SLCO2A1: variants seen among roughly 807,000 people sequenced by gnomAD.
The protein encoded by SLCO2A1 is solute carrier organic anion transporter family member 2A1, also known as matrin F/G 1.
A neutral mutation model predicts 71.7 loss-of-function variants in SLCO2A1; 60 were observed. The ratio of observed to expected loss-of-function variants is 0.84; its 90% confidence interval spans 0.68 to 1.04. The LOEUF is 1.04. Among genes scored for constraint, SLCO2A1 ranks in the 50% least tolerant of loss-of-function variants. SLCO2A1 has a pLI of 0.00. For missense variants in SLCO2A1, 745 were observed against 813.4 expected (o/e 0.92, Z 1.02); for synonymous variants, 308 against 326.7 (o/e 0.94, Z 0.62).
chr3:134,008,937 G>A (rs1935277003), intron 1 of SLCO2A1, among the ~76,000 whole-genome samples: 1 of 152,222 alleles, frequency 6.6e-6, no homozygotes, highest in Non-Finnish European at 1.5e-5. Context: ...GAACAGTGAT[G>A]GCACTGCAGG....
intron 3 of SLCO2A1, among the ~76,000 whole-genome samples, chr3:133,966,983 T>C (rs1191240376): frequency 6.6e-6 from 1 of 152,210 alleles, no homozygotes; most frequent in African/African-American, 2.4e-5. Flanking sequence ...GTTCCCAGGA[T>C]GCCCAAAGCC....
rs1933219161 is a variant in SLCO2A1, at chr3:133,934,568, A to T, written c.*145T>A. ...CTGTGGGGAGGACTCTGGGAGGAAG[A>T]GGTAGGGAAGGCAAATGAGGACTGG... is the stretch of plus-strand genomic sequence containing the variant. On this transcript the variant is annotated 3_prime_UTR_variant, in exon 14 of 14. Transcript: ENST00000310926. 1.6e-5 allele frequency: 10 copies of T among 611,030 alleles called. No individual in the cohort carries two copies. The highest frequency in any genetic ancestry group is 2.6e-5 in the Admixed American group (1 of 37,838). 37.9% of individuals were successfully genotyped at this position (611,030 alleles called of 1,614,324 possible). A position where few individuals can be genotyped will look rare whatever the true frequency, so the allele number is the denominator to read the frequency against.
intron 3 of SLCO2A1, among the ~76,000 whole-genome samples, chr3:133,971,331 A>T (rs1429576914): frequency 1.3e-5 from 2 of 152,368 alleles, no homozygotes. Flanking sequence ...AGGGGGAGAA[A>T]GTGTATGGCA....
At chr3:133,957,248 A>G (rs1372923250) in intron 3 of SLCO2A1, among the ~76,000 whole-genome samples, 1 of 152,118 alleles carries the variant, frequency 6.6e-6, no homozygotes, top group African/African-American at 2.4e-5. Context: ...CCTAAGTCCC[A>G]CCAGAGCCCA....
chr3:133,942,882 T>C, intron 10 of SLCO2A1, 114 bp from the exon 11 acceptor site: 1 of 1,135,272 alleles, frequency 8.8e-7, no homozygotes, highest in Non-Finnish European at 1.2e-6. Context: ...CCTTGTGTCC[T>C]CTGGGTCTGG....
At chr3:133,997,256 C>T (rs1367100339) in intron 1 of SLCO2A1, among the ~76,000 whole-genome samples, 1 of 152,172 alleles carries the variant, frequency 6.6e-6, no homozygotes, top group Non-Finnish European at 1.5e-5. Context: ...GCCTCTGCAA[C>T]TCAAAGCAAA....
intron 1 of SLCO2A1, among the ~76,000 whole-genome samples, chr3:134,007,038 T>G (rs776469986): frequency 6.6e-5 from 10 of 152,270 alleles, no homozygotes; most frequent in Non-Finnish European, 1.5e-4. Context: ...GGGTGTGATG[T>G]CACATTGTGG....
intron 2 of SLCO2A1, among the ~76,000 whole-genome samples, chr3:133,974,318 G>A (rs547044021): frequency 6.6e-6 from 1 of 152,304 alleles, no homozygotes; most frequent in African/African-American, 2.4e-5. Context: ...CAAGCAACAT[G>A]CTTATCTCAT....
In SLCO2A1 at chr3:133,951,273, C is replaced by T; in HGVS notation, c.796G>A (p.Ala266Thr). The T allele has an allele frequency of 1.9e-6, 3 of 1,614,122 alleles. No homozygotes were observed. The highest frequency in any genetic ancestry group is 1.7e-5 in the Admixed American group (1 of 60,022). The change falls in exon 6 of 14, where the codon GCT (alanine) becomes ACT (threonine). Residue 266 changes from alanine (A) to threonine (T), a missense_variant. Ala to Thr is a moderately conservative substitution (Grantham distance 58). Coordinates refer to ENST00000310926, the MANE Select transcript of SLCO2A1 (RefSeq NM_005630.3). ...GGGAAAGAGGTGAGAACCAATAAAG[C>T]TGAAGAAATGAGCAGGCCTAGCCAC... is the stretch of plus-strand genomic sequence containing the variant. ...AWWLGLLISS[A>T]LLVLTSFPFF...
intron 1 of SLCO2A1, among the ~76,000 whole-genome samples, chr3:133,986,011 AT>A (rs1559946971): frequency 2.6e-5 from 4 of 152,246 alleles, no homozygotes; most frequent in Non-Finnish European, 5.9e-5. Context: ...ATTTGCAGCC[AT>A]GTATGAAGGG....
intron 1 of SLCO2A1, among the ~76,000 whole-genome samples, chr3:134,009,836 G>A (rs572280388): frequency 6.6e-6 from 1 of 152,362 alleles, no homozygotes; most frequent in African/African-American, 2.4e-5. Context: ...GTGGTTTGTG[G>A]TGAAGTACAT....
rs931171826 is a variant in SLCO2A1 at position 133,947,352 on chromosome 3, A to G, written c.1199T>C (p.Ile400Thr). 2 of 1,614,156 alleles carry G rather than the reference A, an allele frequency of 1.2e-6. No individual in the cohort carries two copies. Among genetic ancestry groups the G allele is most frequent in the African/African-American group, 1.3e-5 (1 of 75,030 alleles). Reference protein sequence around the residue: ...FVFSLQAIPRIATTIITISMI... With the variant: ...FVFSLQAIPRTATTIITISMI... Reference sequence around the variant, plus strand: ...GGAGATGGTGATGATGGTGGTAGCTATGCGGGGAATGGCTTGTAGAGAGAA... The same window carrying G: ...GGAGATGGTGATGATGGTGGTAGCTGTGCGGGGAATGGCTTGTAGAGAGAA... The change falls in exon 9 of 14, where the codon ATA becomes ACA. Residue 400 changes from isoleucine (I) to threonine (T), a missense_variant. Coordinates refer to ENST00000310926, the MANE Select transcript of SLCO2A1 (RefSeq NM_005630.3).
intron 2 of SLCO2A1, among the ~76,000 whole-genome samples, chr3:133,974,482 G>A (rs1934404807): frequency 1.3e-5 from 2 of 152,186 alleles, no homozygotes; most frequent in Admixed American, 6.5e-5. Flanking sequence ...CCACCTCTTG[G>A]AGAAGAGGGT....
intron 11 of SLCO2A1, 59 bp from the exon 12 acceptor site, chr3:133,938,552 G>A: frequency 6.5e-7 from 1 of 1,537,582 alleles, no homozygotes; most frequent in Non-Finnish European, 9.0e-7. Context: ...GATCCCTTGG[G>A]TAAGGGGCAG....
In SLCO2A1 at chr3:133,988,829, G is replaced by A. The variant is rs142382337; in HGVS notation, c.97-9211C>T. Among the ~76,000 whole-genome samples the A allele has an allele frequency of 9.5e-3, 1,440 of 152,328 alleles. 21 individuals are homozygous for A. Among genetic ancestry groups the A allele is most frequent in the African/African-American group, 0.033 (1,381 of 41,570 alleles). ...CTGCATACCAGACAGGTGGGAACAC[G>A]TGAGACAGGAGAACAGAGTCTGGAG... On this transcript the variant is annotated intron_variant, in intron 1 of 13. Coordinates refer to ENST00000310926, the MANE Select transcript of SLCO2A1 (RefSeq NM_005630.3).
At position 133,966,184 on chromosome 3, in the gene SLCO2A1, G is replaced by A. The variant is rs895080371; in HGVS notation, c.397+7479C>T. 1.8e-4 allele frequency among the ~76,000 whole-genome samples: 27 copies of A among 152,150 alleles called. 1 individual carries two copies. The highest frequency in any genetic ancestry group is 3.9e-4 in the Admixed American group (6 of 15,276). On this transcript the variant is annotated intron_variant, in intron 3 of 13. Coordinates refer to ENST00000310926, the MANE Select transcript of SLCO2A1 (RefSeq NM_005630.3). ...ATAAGTTTTATGGGGACACAGCCAC[G>A]CCCACTTGCTTATCTATTGGGAAGG...
At chr3:133,959,859 A>G (rs1032203203) in intron 3 of SLCO2A1, among the ~76,000 whole-genome samples, 7 of 151,934 alleles carry the variant, frequency 4.6e-5, no homozygotes, top group Admixed American at 2.6e-4. Context: ...GGTGGCTCAT[A>G]CCTGTAATCC....
chr3:133,974,581 C>T (rs956273478), intron 2 of SLCO2A1, among the ~76,000 whole-genome samples: 1 of 152,188 alleles, frequency 6.6e-6, no homozygotes, highest in Non-Finnish European at 1.5e-5. Context: ...AGAACTAGAG[C>T]ACCCCTAAAA....
chr3:133,981,383 C>A (rs1934584471), intron 1 of SLCO2A1, among the ~76,000 whole-genome samples: 1 of 152,154 alleles, frequency 6.6e-6, no homozygotes, highest in Non-Finnish European at 1.5e-5. Context: ...GTGTGCTTTT[C>A]CCCCTTCTGT....
Sources: allele counts gnomAD v4.1 joint callset (sites outside exome capture counted in the v4.1 genomes callset), GRCh38; gene constraint gnomAD v4.1.1; transcripts MANE v1.5; gene names NCBI Gene and HGNC (gene_info 2026-07-23, HGNC 2026-07-21).